DACH2: variants seen among roughly 807,000 people sequenced by gnomAD.
DACH2 encodes dachshund family transcription factor 2, also known as dachshund homolog 2.
A neutral mutation model predicts 35.8 loss-of-function variants in DACH2; 17 were observed. The ratio of observed to expected loss-of-function variants is 0.48; its 90% confidence interval spans 0.33 to 0.71. The LOEUF (loss-of-function observed/expected upper bound fraction) is 0.71. Ranked by LOEUF, DACH2 falls within the 30% of genes least tolerant of loss-of-function variation. The pLI is 0.02. For missense variants in DACH2, 469 were observed against 472.7 expected, an observed-to-expected ratio of 0.99 and a Z score of 0.07; for synonymous variants, 195 against 177.3, an observed-to-expected ratio of 1.10 and a Z score of -0.79.
intron 2 of DACH2, among the ~76,000 whole-genome samples, chrX:86,377,206 C>G (rs1233506399): frequency 9.0e-6 from 1 of 110,973 alleles, no homozygotes; most frequent in African/African-American, 3.3e-5. Flanking sequence ...AGATGTCCAC[C>G]TGCCCCTTTG....
chrX:86,719,803 G>C (rs1401949614), intron 6 of DACH2, among the ~76,000 whole-genome samples: 1 of 110,537 alleles, frequency 9.0e-6, no homozygotes, highest in Non-Finnish European at 1.9e-5. Flanking sequence ...TTCAAGGTGA[G>C]ATTTGGGTGG....
At chrX:86,296,349 C>T (rs1204607827) in intron 1 of DACH2, among the ~76,000 whole-genome samples, 1 of 95,416 alleles carries the variant, frequency 1.0e-5, no homozygotes, top group African/African-American at 3.9e-5. Flanking sequence ...CCACTGCACT[C>T]CTGCCTGGGC....
intron 5 of DACH2, among the ~76,000 whole-genome samples, chrX:86,709,369 C>T (rs2041253891): frequency 9.0e-6 from 1 of 111,508 alleles, no homozygotes; most frequent in African/African-American, 3.3e-5. Flanking sequence ...AAAGAATGAA[C>T]CTAGACACAG....
intron 2 of DACH2, among the ~76,000 whole-genome samples, chrX:86,496,224 A>T (rs2038169068): frequency 8.9e-6 from 1 of 112,102 alleles, no homozygotes; most frequent in Non-Finnish European, 1.9e-5. Context: ...TGATAAACTA[A>T]TTCTTTAATA....
intron 1 of DACH2, among the ~76,000 whole-genome samples, chrX:86,201,199 T>G (rs2032146527): frequency 9.4e-6 from 1 of 105,860 alleles, no homozygotes; most frequent in East Asian, 3.0e-4. Context: ...GAAAACTAAA[T>G]ACCGCATGTT....
chrX:86,218,258 A>T (rs2032622826), intron 1 of DACH2, among the ~76,000 whole-genome samples: 1 of 111,966 alleles, frequency 8.9e-6, no homozygotes, highest in Admixed American at 9.5e-5. Flanking sequence ...TTGGAAAGTT[A>T]CTTAAGTTTT....
At chrX:86,756,486 T>A (rs1173781175) in intron 7 of DACH2, among the ~76,000 whole-genome samples, 2 of 109,854 alleles carry the variant, frequency 1.8e-5, no homozygotes, top group South Asian at 3.8e-4. Context: ...TTTTTTTTTT[T>A]TTATTTTTGT....
At chrX:86,516,407 A>C (rs1296156417) in intron 3 of DACH2, among the ~76,000 whole-genome samples, 3 of 111,193 alleles carry the variant, frequency 2.7e-5, no homozygotes, top group African/African-American at 9.8e-5. Flanking sequence ...GTTGAGGAAA[A>C]GCTCTAATAT....
intron 7 of DACH2, among the ~76,000 whole-genome samples, chrX:86,750,099 T>G (rs1434657855): frequency 9.0e-6 from 1 of 111,361 alleles, no homozygotes; most frequent in Non-Finnish European, 1.9e-5. Context: ...ATTTCTTGCC[T>G]TATTCTGTGG....
chrX:86,713,575 C>G (rs2041301780), intron 5 of DACH2, among the ~76,000 whole-genome samples: 1 of 111,729 alleles, frequency 9.0e-6, no homozygotes, highest in African/African-American at 3.2e-5. Context: ...CTATTAAAGA[C>G]TACTGATTTC....
chrX:86,433,443 G>C (rs187129718), intron 2 of DACH2, among the ~76,000 whole-genome samples: 1 of 111,749 alleles, frequency 8.9e-6, no homozygotes, highest in East Asian at 2.8e-4. Context: ...ATAATGTCCA[G>C]TTGTAAAAAA....
At chrX:86,577,781 T>A (rs2039454063) in intron 3 of DACH2, among the ~76,000 whole-genome samples, 1 of 111,148 alleles carries the variant, frequency 9.0e-6, no homozygotes, top group Non-Finnish European at 1.9e-5. Context: ...GTTTAATCAA[T>A]CATGCCCACC....
rs754559679 is a variant in DACH2 at position 86,308,520 on chromosome X, C to G, written c.489-68304C>G. 9.8e-4 allele frequency among the ~76,000 whole-genome samples: 110 copies of G among 112,212 alleles called. No homozygotes were observed. The South Asian group carries it at 0.036, about 36-fold the overall frequency. ...ACAGAAAACTTGTAGGTCGAATGGA[C>G]AAAATACTAACTTGAATTATAAAAA... On this transcript the variant is annotated intron_variant, in intron 1 of 11. Coordinates refer to ENST00000373125, the MANE Select transcript of DACH2 (RefSeq NM_053281.3).
chrX:86,341,492 A>G (rs939477185), intron 1 of DACH2, among the ~76,000 whole-genome samples: 3 of 112,315 alleles, frequency 2.7e-5, no homozygotes, highest in Non-Finnish European at 5.6e-5. Context: ...TTGACAAAGC[A>G]TCTGGTCACC....
At chrX:86,414,456 C>T (rs1323026812) in intron 2 of DACH2, among the ~76,000 whole-genome samples, 1 of 111,306 alleles carries the variant, frequency 9.0e-6, no homozygotes, top group Non-Finnish European at 1.9e-5. Flanking sequence ...CAATTATTCC[C>T]ATTGTATTTA....
chrX:86,482,020 A>G (rs1296596526), intron 2 of DACH2, among the ~76,000 whole-genome samples: 2 of 112,194 alleles, frequency 1.8e-5, no homozygotes, highest in Non-Finnish European at 3.8e-5. Flanking sequence ...ATTTTAAATC[A>G]TGATCAACTG....
chrX:86,753,751 G>A (rs925566308), intron 7 of DACH2, among the ~76,000 whole-genome samples: 1 of 110,920 alleles, frequency 9.0e-6, no homozygotes, highest in African/African-American at 3.3e-5. Context: ...CTAAAATACA[G>A]GTGCTTTTCT....
chrX:86,656,857 G>GTGTGTATA (rs1333268452), intron 4 of DACH2, among the ~76,000 whole-genome samples: 3 of 66,772 alleles, frequency 4.5e-5, no homozygotes, highest in Admixed American at 3.3e-4. Context: ...GTGTGTGTGT[G>GTGTGTATA]TATATATATA....
intron 2 of DACH2, among the ~76,000 whole-genome samples, chrX:86,471,812 A>G (rs1477892408): frequency 9.0e-6 from 1 of 111,684 alleles, no homozygotes; most frequent in African/African-American, 3.3e-5. Flanking sequence ...GCTCTATTGT[A>G]CAACATGGTG....
Sources: allele counts gnomAD v4.1 joint callset (sites outside exome capture counted in the v4.1 genomes callset), GRCh38; gene constraint gnomAD v4.1.1; transcripts MANE v1.5; gene names NCBI Gene and HGNC (gene_info 2026-07-23, HGNC 2026-07-21).